Variants in MECOM observed in about 807,000 individuals in gnomAD.
MECOM encodes MDS1 and EVI1 complex locus, also known as histone-lysine N-methyltransferase MECOM.
In MECOM, 13 loss-of-function variants were observed where a neutral mutation model predicts 116.3. That is an observed-to-expected ratio of 0.11 (90% CI 0.07 to 0.18). MECOM has a LOEUF of 0.18. MECOM is among the 10% of genes least tolerant of loss of function. The pLI is 1.00. For missense variants in MECOM, 1,299 were observed against 1,509.0 expected, an observed-to-expected ratio of 0.86 and a Z score of 2.31; for synonymous variants, 528 against 535.2, an observed-to-expected ratio of 0.99 and a Z score of 0.19.
chr3:169,567,690 C>T (rs1347838098), intron 1 of MECOM, among the ~76,000 whole-genome samples: 1 of 152,166 alleles, frequency 6.6e-6, no homozygotes, highest in Non-Finnish European at 1.5e-5. Flanking sequence ...GCCCAGGGCT[C>T]TTTCCTGACA....
At chr3:169,183,561 T>C (rs1215080879) in intron 2 of MECOM, among the ~76,000 whole-genome samples, 1 of 152,096 alleles carries the variant, frequency 6.6e-6, no homozygotes, top group Admixed American at 6.5e-5. Flanking sequence ...GGCTTCACCA[T>C]TGTAGCAGCA....
chr3:169,139,384 G>A (rs1460469835), intron 3 of MECOM, among the ~76,000 whole-genome samples: 2 of 100,696 alleles, frequency 2.0e-5, no homozygotes, highest in Non-Finnish European at 2.2e-5. Context: ...GACCATGTTA[G>A]GGCAGGCCAG....
chr3:169,347,613 G>T (rs776740212), intron 2 of MECOM, among the ~76,000 whole-genome samples: 38 of 151,970 alleles, frequency 2.5e-4, no homozygotes, highest in African/African-American at 7.2e-5. Flanking sequence ...TTAACTGAAA[G>T]ATATCTACAA....
intron 1 of MECOM, among the ~76,000 whole-genome samples, chr3:169,433,454 G>A (rs1384839516): frequency 6.6e-6 from 1 of 150,988 alleles, no homozygotes; most frequent in Non-Finnish European, 1.5e-5. Context: ...GGCAACAACA[G>A]CGAAACTCGA....
intron 2 of MECOM, among the ~76,000 whole-genome samples, chr3:169,282,248 C>T (rs1196295249): frequency 6.6e-6 from 1 of 152,166 alleles, no homozygotes; most frequent in African/African-American, 2.4e-5. Flanking sequence ...AGATAACCTT[C>T]TTGGATTCCT....
intron 1 of MECOM, among the ~76,000 whole-genome samples, chr3:169,433,693 A>G (rs3980668): frequency 0.014 from 1,908 of 136,450 alleles, 17 homozygotes; most frequent in Non-Finnish European, 0.02. Flanking sequence ...AAGAAAGAGA[A>G]AGAAAGAAAA....
At chr3:169,582,535 T>C (rs973668179) in intron 1 of MECOM, among the ~76,000 whole-genome samples, 4 of 152,186 alleles carry the variant, frequency 2.6e-5, no homozygotes, top group African/African-American at 9.6e-5. Context: ...CAGTTTATCC[T>C]GTCAAACTGT....
At chr3:169,157,181 G>T (rs1018105705) in intron 2 of MECOM, among the ~76,000 whole-genome samples, 3 of 152,172 alleles carry the variant, frequency 2.0e-5, no homozygotes, top group Non-Finnish European at 4.4e-5. Context: ...CTAAAAAGGT[G>T]TATACTAAAG....
At chr3:169,609,049 A>G (rs546852269) in intron 1 of MECOM, among the ~76,000 whole-genome samples, 1 of 152,336 alleles carries the variant, frequency 6.6e-6, no homozygotes, top group African/African-American at 2.4e-5. Context: ...AAAATCTATT[A>G]ACTTTCTGCT....
chr3:169,315,448 T>G (rs1422423667), intron 2 of MECOM, among the ~76,000 whole-genome samples: 1 of 152,204 alleles, frequency 6.6e-6, no homozygotes, highest in East Asian at 1.9e-4. Flanking sequence ...TCTAGAGATG[T>G]TTGGCCTCCT....
intron 16 of MECOM, chr3:169,086,445 A>T (rs868391851): frequency 1.6e-6 from 1 of 636,822 alleles, no homozygotes; most frequent in Non-Finnish European, 2.8e-6. Context: ...TTGGGAAGAT[A>T]AAAAGGAGTA....
At chr3:169,544,746 C>A (rs1760506729) in intron 1 of MECOM, among the ~76,000 whole-genome samples, 1 of 152,162 alleles carries the variant, frequency 6.6e-6, no homozygotes, top group African/African-American at 2.4e-5. Flanking sequence ...TGGAAGCTAT[C>A]ATCTTCAGCA....
intron 1 of MECOM, among the ~76,000 whole-genome samples, chr3:169,624,189 C>G (rs1771084446): frequency 6.6e-6 from 1 of 152,194 alleles, no homozygotes; most frequent in Non-Finnish European, 1.5e-5. Context: ...CACTTAACAC[C>G]TTTGTCAATA....
chr3:169,250,002 A>G (rs1471602762), intron 2 of MECOM, among the ~76,000 whole-genome samples: 1 of 152,160 alleles, frequency 6.6e-6, no homozygotes, highest in East Asian at 1.9e-4. Flanking sequence ...TTAAGCACAA[A>G]CTTGCAAAGA....
chr3:169,333,621 A>G (rs1168015144), intron 2 of MECOM, among the ~76,000 whole-genome samples: 4 of 152,198 alleles, frequency 2.6e-5, no homozygotes, highest in Non-Finnish European at 4.4e-5. Flanking sequence ...TTACAAGTAA[A>G]TACAAATTTT....
At chr3:169,592,183 A>G (rs1766503719) in intron 1 of MECOM, among the ~76,000 whole-genome samples, 1 of 152,170 alleles carries the variant, frequency 6.6e-6, no homozygotes, top group Admixed American at 6.5e-5. Context: ...ACACACCACT[A>G]GAAACCCAAA....
chr3:169,512,602 A>C (rs1398269505), intron 1 of MECOM, among the ~76,000 whole-genome samples: 1 of 152,196 alleles, frequency 6.6e-6, no homozygotes, highest in Non-Finnish European at 1.5e-5. Context: ...CATCTTGTTA[A>C]CTGTTTTGTC....
At chr3:169,262,174 C>T (rs1191649074) in intron 2 of MECOM, among the ~76,000 whole-genome samples, 1 of 152,152 alleles carries the variant, frequency 6.6e-6, no homozygotes. Context: ...AAAGCTTTGC[C>T]ACTTTTGGAC....
intron 2 of MECOM, among the ~76,000 whole-genome samples, chr3:169,188,608 T>A (rs904935367): frequency 3.3e-5 from 5 of 152,080 alleles, no homozygotes; most frequent in Admixed American, 1.3e-4. Context: ...GGTGCCTACC[T>A]TTATGGACAT....
Sources: allele counts gnomAD v4.1 joint callset (sites outside exome capture counted in the v4.1 genomes callset), GRCh38; gene constraint gnomAD v4.1.1; transcripts MANE v1.5; gene names NCBI Gene and HGNC (gene_info 2026-07-23, HGNC 2026-07-21).